The following SMS variants were observed in gnomAD, a reference collection of about 807,000 sequenced individuals.
SMS encodes spermidine aminopropyltransferase.
A neutral mutation model predicts 33.0 loss-of-function variants in SMS; 3 were observed. The ratio of observed to expected loss-of-function variants is 0.09; its 90% CI spans 0.04 to 0.23. The LOEUF is 0.23. Among genes scored for constraint, SMS ranks in the 10% least tolerant of loss-of-function variants. SMS has a pLI of 1.00. For synonymous variants in SMS, 103 were observed against 112.2 expected (o/e 0.92, Z 0.52); for missense variants, 117 against 288.6 (o/e 0.41, Z 4.31).
chrX:21,958,734 T>A (rs1000246958), intron 1 of SMS, among the ~76,000 whole-genome samples: 2 of 112,449 alleles, frequency 1.8e-5, no homozygotes, highest in African/African-American at 3.2e-5. Flanking sequence ...TGGAGTGCAA[T>A]TGCGCCATCT....
chrX:21,979,946 AT>A (rs1455129730), intron 7 of SMS, among the ~76,000 whole-genome samples: 4 of 106,657 alleles, frequency 3.8e-5, no homozygotes, highest in Non-Finnish European at 5.8e-5. Context: ...AAAAAAAAAA[AT>A]CTTAATAAAA....
intron 1 of SMS, chrX:21,941,167 CA>C (rs984408659): frequency 8.9e-6 from 1 of 112,679 alleles, no homozygotes; most frequent in African/African-American, 3.2e-5. Context: ...CCTGGCCGTC[CA>C]CCCGCGCTCC....
chrX:21,961,970 A>G (rs1923389605), intron 1 of SMS, among the ~76,000 whole-genome samples: 1 of 112,533 alleles, frequency 8.9e-6, no homozygotes, highest in Non-Finnish European at 1.9e-5. Flanking sequence ...ACCTGTCTTC[A>G]CATTTTCTTC....
chrX:21,960,026 T>C, intron 1 of SMS: 1 of 445,341 alleles, frequency 2.2e-6, no homozygotes, highest in Non-Finnish European at 2.6e-6. Context: ...TGACTGTCTG[T>C]GTGTACATCC....
chrX:21,968,506 C>A (rs2147509294), intron 2 of SMS, among the ~76,000 whole-genome samples: 1 of 111,692 alleles, frequency 9.0e-6, no homozygotes, highest in African/African-American at 3.3e-5. Context: ...GTTCTTGAAG[C>A]AATAAGTGGA....
At chrX:21,989,962 C>T (rs1259101424) in intron 9 of SMS, among the ~76,000 whole-genome samples, 1 of 111,057 alleles carries the variant, frequency 9.0e-6, no homozygotes, top group Admixed American at 9.6e-5. Context: ...ATGCTGCTCT[C>T]GAACTCCTGA....
chrX:21,962,407 T>C (rs754568817), intron 1 of SMS, among the ~76,000 whole-genome samples: 2 of 112,235 alleles, frequency 1.8e-5, no homozygotes, highest in Non-Finnish European at 3.8e-5. Flanking sequence ...GTTCTAACTT[T>C]TTTCAGCCCC....
chrX:21,974,968 ATAAGT>A (rs749635768), intron 4 of SMS, among the ~76,000 whole-genome samples: 34 of 109,355 alleles, frequency 3.1e-4, no homozygotes, highest in African/African-American at 9.3e-4. Context: ...TTCCCCTTTG[ATAAGT>A]TAAGTCTGAA....
Position 21,967,190 on chromosome X carries a change from C to T in SMS, c.50-6C>T, listed in dbSNP as rs1335286795. Reference sequence around the variant, plus strand: ...ACCATCTTGCCTTCTTCCCCTTGTTCTCCAGCTGATGGTGAGACCATTCTA... The same window carrying T: ...ACCATCTTGCCTTCTTCCCCTTGTTTTCCAGCTGATGGTGAGACCATTCTA... On this transcript the variant is annotated splice_region_variant and splice_polypyrimidine_tract_variant and intron_variant, in intron 1 of 10. Transcript: ENST00000404933. 8.3e-7 allele frequency: 1 copy of T among 1,208,787 alleles called. No homozygotes were observed. The highest frequency in any genetic ancestry group is 1.7e-5 in the African/African-American group (1 of 57,423).
At chrX:21,985,072 G>A (rs1479749162) in intron 8 of SMS, 72 bp from the exon 9 acceptor site, 6 of 670,465 alleles carry the variant, frequency 8.9e-6, no homozygotes, top group African/African-American at 4.3e-5. Flanking sequence ...TTGAGTATTC[G>A]AATATTTTAC....
chrX:21,965,786 A>AT (rs931445912), intron 1 of SMS, among the ~76,000 whole-genome samples: 1 of 109,420 alleles, frequency 9.1e-6, no homozygotes, highest in East Asian at 2.8e-4. Flanking sequence ...AAATAAATAA[A>AT]AAAAAACAAA....
At chrX:21,941,735 A>C (rs1221516328) in intron 1 of SMS, among the ~76,000 whole-genome samples, 1 of 106,492 alleles carries the variant, frequency 9.4e-6, no homozygotes, top group Non-Finnish European at 1.9e-5. Context: ...AAATACAAAA[A>C]TTAGCCGGGC....
At chrX:21,967,439 A>G in intron 2 of SMS, 123 bp downstream of exon 2, 2 of 755,968 alleles carry the variant, frequency 2.6e-6, no homozygotes, top group Non-Finnish European at 4.0e-6. Flanking sequence ...TAGGATGGGA[A>G]TGGAACTTGG....
At chrX:21,952,351 G>C (rs1922659590) in intron 1 of SMS, among the ~76,000 whole-genome samples, 1 of 108,324 alleles carries the variant, frequency 9.2e-6, no homozygotes, top group Non-Finnish European at 1.9e-5. Flanking sequence ...GTTCTTTTTT[G>C]CATAAATTAA....
intron 9 of SMS, among the ~76,000 whole-genome samples, chrX:21,988,662 C>CAAAAAA (rs199561897): frequency 2.7e-4 from 18 of 66,156 alleles, no homozygotes; most frequent in East Asian, 1.5e-3. Flanking sequence ...GACTCTGTCT[C>CAAAAAA]AAAAAAAAAA....
At chrX:21,986,114 C>G (rs751819998) in intron 9 of SMS, among the ~76,000 whole-genome samples, 1 of 109,943 alleles carries the variant, frequency 9.1e-6, no homozygotes, top group African/African-American at 3.3e-5. Context: ...TTTGGGAGGC[C>G]GAGGCAGTTG....
At chrX:21,967,811 G>C (rs1429704409) in intron 2 of SMS, among the ~76,000 whole-genome samples, 1 of 112,672 alleles carries the variant, frequency 8.9e-6, no homozygotes, top group African/African-American at 3.2e-5. Context: ...GGACTTTAGC[G>C]TAATAGTAAG....
chrX:21,944,912 G>A (rs763470677), intron 1 of SMS, among the ~76,000 whole-genome samples: 1 of 108,186 alleles, frequency 9.2e-6, no homozygotes, highest in South Asian at 3.7e-4. Context: ...GAGGGAGGTG[G>A]AGGTTACGCT....
intron 1 of SMS, among the ~76,000 whole-genome samples, chrX:21,964,312 T>G (rs1923554593): frequency 9.0e-6 from 1 of 111,146 alleles, no homozygotes; most frequent in South Asian, 3.8e-4. Context: ...GTGACATGGA[T>G]TCTGCGCTGG....
Sources: allele counts gnomAD v4.1 joint callset (sites outside exome capture counted in the v4.1 genomes callset), GRCh38; gene constraint gnomAD v4.1.1; transcripts MANE v1.5; gene names NCBI Gene and HGNC (gene_info 2026-07-23, HGNC 2026-07-21).